Variants in ANKRD36C observed in about 807,000 individuals in gnomAD.
ANKRD36C encodes the protein ankyrin repeat domain 36C, also known as ankyrin repeat domain-containing protein 36C.
A neutral mutation model predicts 276.4 loss-of-function variants in ANKRD36C; 61 were observed. The observed-to-expected ratio is 0.22, with a 90% CI of 0.18 to 0.27. ANKRD36C has a LOEUF of 0.27. Ranked by LOEUF, ANKRD36C falls within the 10% of genes least tolerant of loss-of-function variation. The probability of loss-of-function intolerance (pLI) is 1.00; values close to 1 mark genes in which losing one functional copy is unlikely to be tolerated. For missense variants in ANKRD36C, 1,447 were observed against 2,032.3 expected (o/e 0.71, Z 5.54); for synonymous variants, 483 against 680.1 (o/e 0.71, Z 4.51).
At chr2:95,914,877 C>T (rs1677046062) in intron 38 of ANKRD36C, among the ~76,000 whole-genome samples, 1 of 151,512 alleles carries the variant, frequency 6.6e-6, no homozygotes, top group Non-Finnish European at 1.5e-5. Flanking sequence ...TATTCATTAT[C>T]TCTCACACCC....
At chr2:95,945,022 G>A in intron 18 of ANKRD36C, 92 bp downstream of exon 18, 8 of 1,423,970 alleles carry the variant, frequency 5.6e-6, no homozygotes, top group Non-Finnish European at 7.6e-6. Context: ...GGGCAACATT[G>A]AGTAACACTC....
Position 95,888,058 on chromosome 2 carries a change from T to C in ANKRD36C, c.2988+34A>G, listed in dbSNP as rs750372268. ...AACTATGTTTCATAGACCACACAGTTAATAGTTCACAATATAAATGACAGT... is the reference window on the plus strand; with the variant it reads ...AACTATGTTTCATAGACCACACAGTCAATAGTTCACAATATAAATGACAGT... On this transcript the variant is annotated intron_variant, in intron 49 of 66. Transcript: ENST00000456556. 3.1e-6 allele frequency: 5 copies of C among 1,609,744 alleles called. No homozygotes were observed. In the African/African-American group the frequency reaches 6.7e-5, roughly 22 times the overall value.
chr2:95,949,379 C>T (rs1235796740), intron 16 of ANKRD36C, among the ~76,000 whole-genome samples: 1 of 152,146 alleles, frequency 6.6e-6, no homozygotes, highest in African/African-American at 2.4e-5. Context: ...AAAAGTCTCC[C>T]TCCTGAGTAC....
chr2:95,962,749 T>G (rs1421642615), intron 6 of ANKRD36C, among the ~76,000 whole-genome samples: 1 of 152,140 alleles, frequency 6.6e-6, no homozygotes, highest in Non-Finnish European at 1.5e-5. Flanking sequence ...AAAAATACAC[T>G]TACAATTTCA....
intron 59 of ANKRD36C, among the ~76,000 whole-genome samples, chr2:95,873,968 C>T (rs1292841302): frequency 6.6e-6 from 1 of 152,084 alleles, no homozygotes; most frequent in Non-Finnish European, 1.5e-5. Flanking sequence ...ATCCAACTTA[C>T]AAGGGATGTG....
intron 6 of ANKRD36C, among the ~76,000 whole-genome samples, chr2:95,974,539 A>G (rs1288041701): frequency 2.0e-5 from 3 of 152,232 alleles, no homozygotes; most frequent in African/African-American, 4.8e-5. Context: ...GAATTGCACT[A>G]AAACAAAGTG....
chr2:95,852,399 C>T (rs1407565738), intron 64 of ANKRD36C: 1 of 547,534 alleles, frequency 1.8e-6, no homozygotes, highest in African/African-American at 1.9e-5. Context: ...CCCCTTCAGT[C>T]TGCATATTGT....
At chr2:95,925,260 A>G in intron 30 of ANKRD36C, 92 bp downstream of exon 30, 1 of 1,526,222 alleles carries the variant, frequency 6.6e-7, no homozygotes, top group Non-Finnish European at 8.8e-7. Context: ...CAGAAAGTGC[A>G]TTTTCAATGA....
intron 24 of ANKRD36C, among the ~76,000 whole-genome samples, chr2:95,934,481 A>G (rs1573780173): frequency 6.6e-6 from 1 of 152,202 alleles, no homozygotes; most frequent in Middle Eastern, 3.4e-3. Flanking sequence ...TGAAACCATT[A>G]TTCTCAGCAA....
chr2:95,919,886 A>C lies in ANKRD36C; in HGVS notation c.2245+1721T>G, dbSNP rs1304238253. Reference sequence around the variant, plus strand: ...TAGACTACAATGTAAATGAGAGTTTAATTACCTTCAAGGCTGGTTGTTTCT... The same window carrying C: ...TAGACTACAATGTAAATGAGAGTTTCATTACCTTCAAGGCTGGTTGTTTCT... On this transcript the variant is annotated intron_variant, in intron 34 of 66. Transcript: ENST00000456556. 7 of 1,545,076 alleles carry C rather than the reference A, an allele frequency of 4.5e-6. No individual in the cohort carries two copies. The highest frequency in any genetic ancestry group is 2.2e-5 in the South Asian group (2 of 89,504).
At position 95,859,911 on chromosome 2, in the gene ANKRD36C, C is replaced by A. The variant is rs72931750; in HGVS notation, c.3846G>T (p.Ser1282=). The change falls in exon 61 of 67, where the codon TCG becomes TCT. Residue 1282 remains serine, a synonymous_variant. Coordinates refer to ENST00000456556, the Ensembl canonical transcript of ANKRD36C. ...ATTCAAGTGTTTCATGCTTTAACTG[C>A]GATTTTATTTCTTCTTTTTCAGATA... is the stretch of plus-strand genomic sequence containing the variant. 110 of 1,532,032 alleles carry A rather than the reference C, an allele frequency of 7.2e-5. No homozygotes were observed. The South Asian group carries it at 1.3e-3, about 18-fold the overall frequency. 94.9% of individuals were successfully genotyped at this position (1,532,032 alleles called of 1,614,324 possible). A position where few individuals can be genotyped will look rare whatever the true frequency, so the allele number is the denominator to read the frequency against.
chr2:95,911,606 G>C (rs1473424247), intron 42 of ANKRD36C, among the ~76,000 whole-genome samples: 1 of 151,458 alleles, frequency 6.6e-6, no homozygotes, highest in Non-Finnish European at 1.5e-5. Context: ...ATGAGTCATT[G>C]AGTTTTTATG....
At chr2:95,956,277 G>A (rs1026782231) in intron 13 of ANKRD36C, among the ~76,000 whole-genome samples, 2 of 152,132 alleles carry the variant, frequency 1.3e-5, no homozygotes, top group Admixed American at 6.6e-5. Flanking sequence ...ACTGATATCT[G>A]CCTTTAAAAT....
intron 20 of ANKRD36C, among the ~76,000 whole-genome samples, 175 bp downstream of exon 20, chr2:95,940,980 ATTAAT>A (rs1442993800): frequency 1.4e-5 from 2 of 144,218 alleles, no homozygotes; most frequent in Admixed American, 1.4e-4. Flanking sequence ...TAATTTAACA[ATTAAT>A]TTAATTTTAA....
At chr2:95,946,542 GC>G (rs1371251836) in intron 17 of ANKRD36C, among the ~76,000 whole-genome samples, 1 of 144,514 alleles carries the variant, frequency 6.9e-6, no homozygotes, top group African/African-American at 2.6e-5. Flanking sequence ...ATTTGACCCA[GC>G]CATCCCATTA....
chr2:95,862,754 G>A (rs1360118988), intron 60 of ANKRD36C, among the ~76,000 whole-genome samples: 1 of 151,994 alleles, frequency 6.6e-6, no homozygotes, highest in Non-Finnish European at 1.5e-5. Flanking sequence ...ATTAGGAGGG[G>A]GGATTTTTAC....
chr2:95,851,554 A>C, intron 66 of ANKRD36C, 140 bp downstream of exon 86: 1 of 742,712 alleles, frequency 1.3e-6, no homozygotes. Flanking sequence ...AAGATATTTC[A>C]TTAGGTATAT....
chr2:95,887,990 C>T (rs1281398623), exon 50 of ANKRD36C: 28 of 1,600,156 alleles, frequency 1.7e-5, no homozygotes, highest in Non-Finnish European at 2.2e-5. Flanking sequence ...TTTCTTGTCA[C>T]TTGTAGCCTG....
chr2:95,860,332 A>C (rs75693849), intron 60 of ANKRD36C, among the ~76,000 whole-genome samples: 4 of 152,178 alleles, frequency 2.6e-5, no homozygotes, highest in Non-Finnish European at 5.9e-5. Context: ...AAAAAAAAAA[A>C]AAAACATAGT....
Sources: allele counts gnomAD v4.1 joint callset (sites outside exome capture counted in the v4.1 genomes callset), GRCh38; gene constraint gnomAD v4.1.1; transcripts MANE v1.5; gene names NCBI Gene and HGNC (gene_info 2026-07-23, HGNC 2026-07-21).